MACROD2: variants seen among roughly 807,000 people sequenced by gnomAD.
MACROD2 encodes the protein ADP-ribose glycohydrolase MACROD2.
MACROD2 carries 36 observed loss-of-function variants against 70.4 expected under a neutral mutation model. The ratio of observed to expected loss-of-function variants is 0.51; its 90% confidence interval spans 0.39 to 0.68. The LOEUF (loss-of-function observed/expected upper bound fraction) is 0.68, where lower values mean the gene tolerates loss of function less well. MACROD2 is among the 30% of genes least tolerant of loss of function. MACROD2 has a pLI of 0.00. For synonymous variants in MACROD2, 172 were observed against 178.8 expected, an observed-to-expected ratio of 0.96 and a Z score of 0.30; for missense variants, 496 against 538.4, an observed-to-expected ratio of 0.92 and a Z score of 0.78.
chr20:15,887,114 G>T (rs2064831812), intron 10 of MACROD2, among the ~76,000 whole-genome samples: 1 of 152,056 alleles, frequency 6.6e-6, no homozygotes, highest in African/African-American at 2.4e-5. Context: ...CATCAGCAGG[G>T]AGCTCTTTAA....
Position 15,348,865 on chromosome 20 carries a change from G to A in MACROD2, c.541-82540G>A, listed in dbSNP as rs115034982. 4.8e-3 allele frequency among the ~76,000 whole-genome samples: 729 copies of A among 152,106 alleles called. 4 individuals carry two copies. Among genetic ancestry groups the A allele is most frequent in the African/African-American group, 0.016 (682 of 41,512 alleles). ...CTACAATTCAAGATAAGATTTGGGCGGGGTCACAGCCAAACAATATCATTG... is the reference window on the plus strand; with the variant it reads ...CTACAATTCAAGATAAGATTTGGGCAGGGTCACAGCCAAACAATATCATTG... On this transcript the variant is annotated intron_variant, in intron 6 of 17. Coordinates refer to ENST00000684519, the MANE Select transcript of MACROD2 (RefSeq NM_001351661.2).
intron 8 of MACROD2, among the ~76,000 whole-genome samples, chr20:15,847,493 C>T (rs920802069): frequency 2.0e-5 from 3 of 152,160 alleles, no homozygotes; most frequent in Non-Finnish European, 4.4e-5. Flanking sequence ...TTTATTTTGA[C>T]TGGCCTTAAA....
At chr20:14,013,981 T>A (rs1177585488) in intron 2 of MACROD2, among the ~76,000 whole-genome samples, 3 of 152,190 alleles carry the variant, frequency 2.0e-5, no homozygotes, top group South Asian at 4.1e-4. Flanking sequence ...CCCCCAAATC[T>A]TTCATTTTTT....
chr20:14,815,600 T>C (rs973771213), intron 5 of MACROD2, among the ~76,000 whole-genome samples: 1 of 152,056 alleles, frequency 6.6e-6, no homozygotes, highest in Non-Finnish European at 1.5e-5. Flanking sequence ...AGGTGCTGTT[T>C]AGTATTACAA....
At chr20:15,412,336 C>A (rs1185241964) in intron 6 of MACROD2, among the ~76,000 whole-genome samples, 2 of 151,870 alleles carry the variant, frequency 1.3e-5, no homozygotes, top group Non-Finnish European at 2.9e-5. Flanking sequence ...GATCAAGAAG[C>A]GAAGAATTTC....
At chr20:15,478,588 TTTA>T (rs1890854186) in intron 7 of MACROD2, among the ~76,000 whole-genome samples, 2 of 151,920 alleles carry the variant, frequency 1.3e-5, no homozygotes, top group Non-Finnish European at 2.9e-5. Flanking sequence ...TTCCTCCCCC[TTTA>T]TTAAGTTTTT....
intron 4 of MACROD2, among the ~76,000 whole-genome samples, chr20:14,502,377 C>A (rs909616102): frequency 3.3e-5 from 5 of 152,154 alleles, no homozygotes; most frequent in African/African-American, 1.2e-4. Context: ...AATTCAAGAT[C>A]TCCAGGGTCC....
At chr20:15,870,911 G>C (rs1433056615) in intron 9 of MACROD2, among the ~76,000 whole-genome samples, 1 of 152,118 alleles carries the variant, frequency 6.6e-6, no homozygotes, top group Non-Finnish European at 1.5e-5. Context: ...GGTCACAGTG[G>C]CTCACGCCTG....
intron 2 of MACROD2, among the ~76,000 whole-genome samples, chr20:14,045,051 G>C (rs1302241136): frequency 6.6e-6 from 1 of 152,220 alleles, no homozygotes; most frequent in Non-Finnish European, 1.5e-5. Context: ...ACTGCCTGGG[G>C]CTTGCGGGCC....
At chr20:14,780,641 A>C (rs1460158110) in intron 5 of MACROD2, among the ~76,000 whole-genome samples, 1 of 151,994 alleles carries the variant, frequency 6.6e-6, no homozygotes. Context: ...CCATATTCAC[A>C]TGGACCATTT....
chr20:14,369,168 C>T (rs2083299982), intron 3 of MACROD2, among the ~76,000 whole-genome samples: 1 of 152,108 alleles, frequency 6.6e-6, no homozygotes, highest in Admixed American at 6.5e-5. Context: ...TTTTTGTTTA[C>T]CTTACAGTAT....
intron 3 of MACROD2, among the ~76,000 whole-genome samples, chr20:14,192,103 A>G (rs1033979519): frequency 6.6e-6 from 1 of 152,194 alleles, no homozygotes; most frequent in South Asian, 2.1e-4. Flanking sequence ...TAGGCATTCT[A>G]TAAATGTTAG....
intron 5 of MACROD2, among the ~76,000 whole-genome samples, chr20:14,857,533 T>C (rs915032816): frequency 9.9e-5 from 15 of 152,184 alleles, no homozygotes; most frequent in African/African-American, 3.6e-4. Context: ...AGTTCTGAAG[T>C]GTGACAAGGG....
chr20:14,204,944 A>G (rs553962274), intron 3 of MACROD2, among the ~76,000 whole-genome samples: 1 of 152,088 alleles, frequency 6.6e-6, no homozygotes, highest in African/African-American at 2.4e-5. Context: ...CTACATAACT[A>G]TGGATTAGAG....
At position 14,255,683 on chromosome 20, in the gene MACROD2, TAATAAATAAATAAATA is replaced by T. The variant is rs199558871; in HGVS notation, c.271+169982_271+169997del. On this transcript the variant is annotated intron_variant, in intron 3 of 17. Transcript: ENST00000684519. ...ACATGTACCCTAATACTTAAAAGTA[TAATAAATAAATAAATA>T]AATAAATAAATAAATAAATAAATAA... Among the ~76,000 whole-genome samples, 1,350 of 136,938 alleles carry T rather than the reference TAATAAATAAATAAATA, an allele frequency of 9.9e-3. 6 individuals carry two copies. The highest frequency in any genetic ancestry group is 0.022 in the Middle Eastern group (6 of 268). The allele number at this position is 136,938 out of a possible 152,430, so 89.8% of individuals were successfully genotyped here.
At chr20:14,254,935 C>T (rs962491847) in intron 3 of MACROD2, among the ~76,000 whole-genome samples, 1 of 151,980 alleles carries the variant, frequency 6.6e-6, no homozygotes, top group African/African-American at 2.4e-5. Context: ...TAGGGCAGGC[C>T]TGGTGGTGAC....
intron 5 of MACROD2, among the ~76,000 whole-genome samples, chr20:15,028,675 G>T (rs539879304): frequency 1.2e-4 from 18 of 152,252 alleles, no homozygotes; most frequent in African/African-American, 4.1e-4. Flanking sequence ...TCAAGGGAAG[G>T]TCTTACAGAG....
chr20:14,343,682 C>T (rs1174765852), intron 3 of MACROD2, among the ~76,000 whole-genome samples: 1 of 152,180 alleles, frequency 6.6e-6, no homozygotes, highest in Non-Finnish European at 1.5e-5. Context: ...GTATCTAACC[C>T]TGGTTCTGAG....
In MACROD2 at chr20:14,788,226, C is replaced by T. The variant is rs150869194; in HGVS notation, c.418+103267C>T. Among the ~76,000 whole-genome samples the T allele has an allele frequency of 1.2e-3, 177 of 152,036 alleles. 2 individuals are homozygous for T. Among genetic ancestry groups the T allele is most frequent in the Non-Finnish European group, 2.3e-3 (153 of 67,966 alleles). ...AGATGGATGAGCAGACACATTAGGG[C>T]GACTTGCTGCAGCCTCTGGGGATAA... On this transcript the variant is annotated intron_variant, in intron 5 of 17. Coordinates refer to ENST00000684519, the MANE Select transcript of MACROD2 (RefSeq NM_001351661.2).
Sources: gnomAD v4.1 joint callset for allele counts (sites outside exome capture counted in the v4.1 genomes callset) on GRCh38, gnomAD v4.1.1 for gene constraint, MANE v1.5 for transcripts, NCBI Gene and HGNC (gene_info 2026-07-23, HGNC 2026-07-21) for gene names.